Variants in PCDH11X observed in about 807,000 individuals in gnomAD.
PCDH11X encodes the protein protocadherin 11 X-linked.
Under a neutral mutation model 53.3 loss-of-function variants are expected in PCDH11X, and 18 were observed. The observed-to-expected ratio is 0.34, with a 90% confidence interval of 0.23 to 0.50. The LOEUF is 0.50. Ranked by LOEUF, PCDH11X falls within the 20% of genes least tolerant of loss-of-function variation. The pLI is 0.98. For missense variants in PCDH11X, 570 were observed against 1,032.4 expected, an observed-to-expected ratio of 0.55 and a Z score of 6.14; for synonymous variants, 279 against 393.3, an observed-to-expected ratio of 0.71 and a Z score of 3.44.
At chrX:91,983,412 T>C in intron 6 of PCDH11X, 1 of 885,862 alleles carries the variant, frequency 1.1e-6, no homozygotes, top group Non-Finnish European at 1.7e-6. Flanking sequence ...GATTTTGTTT[T>C]CAAATCAAGC....
At chrX:92,150,992 A>C (rs2065422609) in intron 6 of PCDH11X, among the ~76,000 whole-genome samples, 1 of 110,644 alleles carries the variant, frequency 9.0e-6, no homozygotes, top group Non-Finnish European at 1.9e-5. Context: ...TGCTTTATTC[A>C]AATTGCTATC....
At chrX:91,818,886 A>G (rs759529159) in intron 4 of PCDH11X, among the ~76,000 whole-genome samples, 1 of 111,339 alleles carries the variant, frequency 9.0e-6, no homozygotes, top group East Asian at 2.8e-4. Flanking sequence ...ACACAAGGGC[A>G]TATGTTCACA....
intron 6 of PCDH11X, among the ~76,000 whole-genome samples, chrX:92,103,688 G>A (rs1304006708): frequency 2.7e-5 from 3 of 112,225 alleles, no homozygotes; most frequent in Admixed American, 9.4e-5. Flanking sequence ...CCAGATTTCC[G>A]GCATGTGTAA....
intron 6 of PCDH11X, among the ~76,000 whole-genome samples, chrX:92,189,812 T>G: frequency 8.9e-6 from 1 of 112,150 alleles, no homozygotes; most frequent in East Asian, 2.8e-4. Context: ...TCTCTAATGA[T>G]AAGTGATGTT....
At position 92,011,948 on chromosome X, in the gene PCDH11X, A is replaced by G. The variant is rs959479558; in HGVS notation, c.3033+132675A>G. On this transcript the variant is annotated intron_variant, in intron 6 of 10. Coordinates refer to ENST00000682573, the MANE Select transcript of PCDH11X (RefSeq NM_032968.5). ...TCTAGGCCTTCTTTCCCCATGTAGT[A>G]GTTTTTTATATATTTTTAACTTAGT... 4.5e-5 allele frequency among the ~76,000 whole-genome samples: 5 copies of G among 110,709 alleles called. No homozygotes were observed. In the Admixed American group the frequency reaches 4.9e-4, roughly 11 times the overall value.
At chrX:92,276,224 G>A (rs750413680) in intron 8 of PCDH11X, among the ~76,000 whole-genome samples, 25 of 107,572 alleles carry the variant, frequency 2.3e-4, no homozygotes, top group Admixed American at 4.1e-4. Context: ...GGTAGCCTCC[G>A]TATTGATTAA....
chrX:91,877,628 C>T lies in PCDH11X; in HGVS notation c.1388C>T (p.Ala463Val). The T allele has an allele frequency of 2.5e-6, 3 of 1,210,278 alleles. No homozygotes were observed. The highest frequency in any genetic ancestry group is 3.4e-6 in the Non-Finnish European group (3 of 895,104). The part of the protein sequence containing the change: ...FIKVKDENDN[A>V]PVFTQSFVTV... ...AAAGTGAAAGATGAAAATGACAATGCTCCAGTTTTCACCCAGTCTTTCGTA... is the reference window on the plus strand; with the variant it reads ...AAAGTGAAAGATGAAAATGACAATGTTCCAGTTTTCACCCAGTCTTTCGTA... Residue 463 changes from alanine (A) to valine (V), a missense_variant, in exon 6 of 11, where the codon GCT becomes GTT. Transcript: ENST00000682573.
chrX:92,589,477 C>G (rs1466886296), intron 10 of PCDH11X, among the ~76,000 whole-genome samples: 1 of 111,683 alleles, frequency 9.0e-6, no homozygotes, highest in Non-Finnish European at 1.9e-5. Flanking sequence ...TATTAGTTTA[C>G]TTTTTGCTTG....
intron 7 of PCDH11X, among the ~76,000 whole-genome samples, chrX:92,209,747 T>C (rs1447794234): frequency 8.9e-6 from 1 of 112,449 alleles, no homozygotes; most frequent in Non-Finnish European, 1.9e-5. Context: ...ACATATCCCC[T>C]CTGTACTGCC....
intron 8 of PCDH11X, among the ~76,000 whole-genome samples, chrX:92,308,777 C>G (rs1348484322): frequency 2.7e-5 from 3 of 110,947 alleles, no homozygotes; most frequent in African/African-American, 9.8e-5. Flanking sequence ...TAAAGTATTC[C>G]TACAACAACA....
intron 8 of PCDH11X, among the ~76,000 whole-genome samples, chrX:92,364,343 T>G (rs915732395): frequency 2.6e-4 from 29 of 112,200 alleles, no homozygotes; most frequent in Non-Finnish European, 1.1e-4. Context: ...AGCATGTTAC[T>G]GTACTGAATA....
At chrX:91,819,004 C>G (rs1030450730) in intron 4 of PCDH11X, among the ~76,000 whole-genome samples, 2 of 111,832 alleles carry the variant, frequency 1.8e-5, no homozygotes, top group African/African-American at 6.5e-5. Context: ...ATACTGTATC[C>G]AACTCTGTAC....
intron 6 of PCDH11X, among the ~76,000 whole-genome samples, chrX:92,196,866 TTGAG>T (rs770528391): frequency 4.6e-5 from 5 of 109,417 alleles, no homozygotes; most frequent in African/African-American, 6.6e-5. Flanking sequence ...TGGAGAGAGA[TTGAG>T]AGAGAGAGAA....
chrX:92,620,772 A>G lies in PCDH11X; in HGVS notation c.*1832A>G, dbSNP rs771402561. 5.5e-5 allele frequency: 6 copies of G among 109,997 alleles called. No individual in the cohort carries two copies. In the South Asian group the frequency reaches 2.3e-3, roughly 42 times the overall value. 9.1% of individuals were successfully genotyped at this position (109,997 alleles called of 1,213,427 possible). A position where few individuals can be genotyped will look rare whatever the true frequency, so the allele number is the denominator to read the frequency against. ...AATAACTTCTTAACTTTTAACTATC[A>G]GAGTTTGATTAATAAAATTAATTAA... On this transcript the variant is annotated 3_prime_UTR_variant, in exon 11 of 11. Coordinates refer to ENST00000682573, the MANE Select transcript of PCDH11X (RefSeq NM_032968.5).
intron 5 of PCDH11X, among the ~76,000 whole-genome samples, chrX:91,866,839 T>A (rs1447160730): frequency 9.0e-6 from 1 of 110,854 alleles, no homozygotes; most frequent in Non-Finnish European, 1.9e-5. Flanking sequence ...ATTATAGTAT[T>A]TTTTTTCTTT....
At chrX:92,447,625 G>T (rs1339526221) in intron 9 of PCDH11X, among the ~76,000 whole-genome samples, 1 of 112,351 alleles carries the variant, frequency 8.9e-6, no homozygotes, top group Non-Finnish European at 1.9e-5. Context: ...CAGGGGCAGG[G>T]CCCTCATGGA....
At chrX:92,279,489 C>T (rs958864255) in intron 8 of PCDH11X, among the ~76,000 whole-genome samples, 7 of 111,836 alleles carry the variant, frequency 6.3e-5, no homozygotes, top group South Asian at 3.7e-4. Context: ...GAACTGTCTC[C>T]GATCTGTTTC....
intron 6 of PCDH11X, among the ~76,000 whole-genome samples, chrX:92,120,155 C>CTTTTTTTTT (rs764997941): frequency 1.5e-3 from 91 of 60,676 alleles, no homozygotes; most frequent in South Asian, 1.7e-3. Context: ...ACTTTTCTTT[C>CTTTTTTTTT]TTTTTTTTTT....
At chrX:92,482,117 T>C (rs1477546864) in intron 10 of PCDH11X, among the ~76,000 whole-genome samples, 2 of 105,601 alleles carry the variant, frequency 1.9e-5, no homozygotes, top group Non-Finnish European at 3.9e-5. Context: ...TAGTTGGCCA[T>C]CTTGCTCAGC....
Sources: allele counts gnomAD v4.1 joint callset (sites outside exome capture counted in the v4.1 genomes callset), GRCh38; gene constraint gnomAD v4.1.1; transcripts MANE v1.5; gene names NCBI Gene and HGNC (gene_info 2026-07-23, HGNC 2026-07-21).